The following TRIM66 variants were observed in gnomAD, a reference collection of about 807,000 sequenced individuals.
The protein encoded by TRIM66 is tripartite motif-containing protein 66.
TRIM66 carries 99 observed loss-of-function variants against 148.2 expected under a neutral mutation model. The observed-to-expected ratio is 0.67, with a 90% CI of 0.57 to 0.79. The LOEUF (loss-of-function observed/expected upper bound fraction) is 0.79. TRIM66 is among the 30% of genes least tolerant of loss of function. The pLI is 0.00. For missense variants in TRIM66, 1,666 were observed against 1,697.9 expected, an observed-to-expected ratio of 0.98 and a Z score of 0.33; for synonymous variants, 616 against 635.9, an observed-to-expected ratio of 0.97 and a Z score of 0.47.
At chr11:8,658,084 G>C (rs1318889099) in intron 6 of TRIM66, among the ~76,000 whole-genome samples, 1 of 152,222 alleles carries the variant, frequency 6.6e-6, no homozygotes, top group South Asian at 2.1e-4. Flanking sequence ...TAGGGTAAGG[G>C]GAGCAGCCTG....
intron 3 of TRIM66, among the ~76,000 whole-genome samples, chr11:8,677,542 G>A (rs1316804649): frequency 2.0e-5 from 3 of 152,124 alleles, no homozygotes; most frequent in Non-Finnish European, 4.4e-5. Flanking sequence ...GCTTTGGGAG[G>A]GCGAGGTAGG....
chr11:8,621,161 G>A lies in TRIM66; in HGVS notation c.3416C>T (p.Pro1139Leu). The change falls in exon 20 of 25, where the codon CCC becomes CTC. Residue 1139 changes from proline to leucine, a missense_variant. Physicochemically the swap from Pro to Leu is moderately conservative, Grantham distance 98 (BLOSUM62 -3). Around this residue, in one of 3 missense-constraint regions of TRIM66, gnomAD observed 1,431 missense variants for 1,412.4 expected, o/e 1.01. Coordinates refer to ENST00000646038, the MANE Select transcript of TRIM66 (RefSeq NM_001388022.1). ...IPRTPGAKKG[P>L]PAPIENEDFC... ...GTCCTCATTCTCTATTGGGGCTGGG[G>A]GGCCCTTCTTGGCTCCTGGGGTTCG... 6.4e-7 allele frequency: 1 copy of A among 1,551,700 alleles called. No homozygotes were observed. The highest frequency in any genetic ancestry group is 8.7e-7 in the Non-Finnish European group (1 of 1,146,990).
At chr11:8,668,493 G>A (rs1306696003) in intron 6 of TRIM66, among the ~76,000 whole-genome samples, 1 of 152,146 alleles carries the variant, frequency 6.6e-6, no homozygotes, top group African/African-American at 2.4e-5. Context: ...CTGGTTGTCA[G>A]GCAGAAACCT....
intron 15 of TRIM66, among the ~76,000 whole-genome samples, chr11:8,626,880 A>C (rs2034901705): frequency 1.3e-5 from 2 of 152,106 alleles, no homozygotes; most frequent in African/African-American, 4.8e-5. Context: ...CCAGTTCCTG[A>C]AACATACCAA....
chr11:8,620,025 G>A, intron 22 of TRIM66, 25 bp downstream of exon 22: 1 of 1,547,706 alleles, frequency 6.5e-7, no homozygotes, highest in Non-Finnish European at 8.7e-7. Context: ...AGGAGAAGGT[G>A]AGAGAACAGC....
At chr11:8,636,124 C>T (rs1168948479) in intron 15 of TRIM66, among the ~76,000 whole-genome samples, 2 of 152,132 alleles carry the variant, frequency 1.3e-5, no homozygotes, top group Non-Finnish European at 2.9e-5. Flanking sequence ...TGTCTGACAT[C>T]CATGGCTTCA....
Position 8,617,859 on chromosome 11 carries a change from C to G in TRIM66, c.*85G>C, listed in dbSNP as rs1280493176. The stretch of plus-strand genomic sequence containing the variant: ...ACAAGACTCATCTACCATCCACACT[C>G]TGAAGAGGATAAGCTGCAAGATGGG... On this transcript the variant is annotated 3_prime_UTR_variant, in exon 25 of 25. Transcript: ENST00000646038. 17 of 1,328,692 alleles carry G rather than the reference C, an allele frequency of 1.3e-5. No homozygotes were observed. The highest frequency in any genetic ancestry group is 1.8e-5 in the Non-Finnish European group (17 of 945,018). 82.3% of individuals were successfully genotyped at this position (1,328,692 alleles called of 1,614,324 possible). A position where few individuals can be genotyped will look rare whatever the true frequency, so the allele number is the denominator to read the frequency against.
intron 6 of TRIM66, among the ~76,000 whole-genome samples, chr11:8,666,300 T>C (rs920090307): frequency 3.8e-5 from 5 of 132,386 alleles, no homozygotes; most frequent in Admixed American, 9.1e-5. Flanking sequence ...GATCGCGCCA[T>C]TGCAATCCAG....
At chr11:8,643,246 T>C in intron 12 of TRIM66, 120 bp from the exon 13 acceptor site, 2 of 706,888 alleles carry the variant, frequency 2.8e-6, no homozygotes, top group South Asian at 3.9e-5. Flanking sequence ...CCTCTGGTCA[T>C]CCTCCATATT....
rs1252321546 is a variant in TRIM66, at chr11:8,617,990, G to C, written c.4133C>G (p.Ala1378Gly). Residue 1378 changes from alanine to glycine, a missense_variant, in exon 25 of 25, where the codon GCA (alanine) becomes GGA (glycine). This residue lies in a region of TRIM66 where 204 missense variants were observed against 231.0 expected (regional missense o/e 0.88). Coordinates refer to ENST00000646038, the MANE Select transcript of TRIM66 (RefSeq NM_001388022.1). Reference sequence around the variant, plus strand: ...GGCCAGGCGAAATGACATTCTTTTTGCTCTTTCATTCTCCTGAAAGAAAAA... The same window carrying C: ...GGCCAGGCGAAATGACATTCTTTTTCCTCTTTCATTCTCCTGAAAGAAAAA... ...RRRRHMENER[A>G]KRMSFRLANS... 1 of 1,551,494 alleles carries C rather than the reference G, an allele frequency of 6.4e-7. No homozygotes were observed. The highest frequency in any genetic ancestry group is 2.4e-5 in the East Asian group (1 of 40,940).
intron 6 of TRIM66, chr11:8,654,409 T>A (rs1462233631): frequency 6.6e-6 from 1 of 152,258 alleles, no homozygotes; most frequent in Non-Finnish European, 1.5e-5. Flanking sequence ...CCTTTTCAGA[T>A]AAACTCCTAT....
chr11:8,645,616 T>C, intron 12 of TRIM66, 125 bp downstream of exon 12: 1 of 1,120,366 alleles, frequency 8.9e-7, no homozygotes. Flanking sequence ...GGAGCTGCTA[T>C]GTTATTCCTC....
chr11:8,640,107 C>T, intron 14 of TRIM66, 120 bp downstream of exon 14: 1 of 1,026,380 alleles, frequency 9.7e-7, no homozygotes, highest in Non-Finnish European at 1.4e-6. Context: ...GGGCTGAGCT[C>T]AAGGCAGCCC....
chr11:8,676,194 T>G (rs144908149), intron 3 of TRIM66, among the ~76,000 whole-genome samples: 51 of 152,222 alleles, frequency 3.4e-4, no homozygotes, highest in Non-Finnish European at 4.6e-4. Flanking sequence ...ATAAAAATTG[T>G]TACCACTTCA....
At chr11:8,645,633 T>A in intron 12 of TRIM66, 108 bp downstream of exon 12, 1 of 1,313,332 alleles carries the variant, frequency 7.6e-7, no homozygotes, top group Non-Finnish European at 1.0e-6. Context: ...CCTCCTTCCA[T>A]CCTAAAAAGA....
At chr11:8,682,722 T>G, upstream of TRIM66, 3 of 1,521,612 alleles carry the variant, frequency 2.0e-6, no homozygotes, top group Non-Finnish European at 2.7e-6. Context: ...GCCCGGCCTC[T>G]GTGACCGGAA....
chr11:8,624,570 C>G lies in TRIM66; in HGVS notation c.2827-19G>C. On this transcript the variant is annotated intron_variant, in intron 16 of 24. Transcript: ENST00000646038. ...TTTCCATCTTTCAAAAGTGAAATGT[C>G]GACAAGAATCAAAGAACTCAGACAT... The G allele has an allele frequency of 6.6e-7, 1 of 1,517,618 alleles. No individual in the cohort carries two copies. The highest frequency in any genetic ancestry group is 1.7e-4 in the Middle Eastern group (1 of 5,860). The allele number at this position is 1,517,618 out of a possible 1,614,324, so 94.0% of individuals were successfully genotyped here. A position where few individuals can be genotyped will look rare whatever the true frequency, so the allele number is the denominator to read the frequency against.
intron 6 of TRIM66, among the ~76,000 whole-genome samples, chr11:8,667,652 G>C (rs1325194728): frequency 6.6e-6 from 1 of 152,144 alleles, no homozygotes; most frequent in East Asian, 1.9e-4. Flanking sequence ...CATGTAACCA[G>C]AATCATACAG....
intron 6 of TRIM66, among the ~76,000 whole-genome samples, chr11:8,656,157 G>T (rs1280080253): frequency 6.6e-6 from 1 of 152,154 alleles, no homozygotes; most frequent in Non-Finnish European, 1.5e-5. Flanking sequence ...TTTTTAAAGA[G>T]ATTCTCCATC....
Sources: gnomAD v4.1 joint callset for allele counts (sites outside exome capture counted in the v4.1 genomes callset) on GRCh38, gnomAD v4.1.1 for gene constraint, gnomAD v4.1.1 regional missense constraint, MANE v1.5 for transcripts, NCBI Gene and HGNC (gene_info 2026-07-23, HGNC 2026-07-21) for gene names.